Variants in RAB31 observed in about 807,000 individuals in gnomAD.
RAB31 encodes ras-related protein Rab-31.
In RAB31, 21 loss-of-function variants were observed where a neutral mutation model predicts 25.6. The ratio of observed to expected loss-of-function variants is 0.82; its 90% CI spans 0.58 to 1.18. The LOEUF is 1.18. Among genes scored for constraint, RAB31 ranks in the 50% most tolerant of loss-of-function variants. The pLI, the probability that RAB31 is intolerant of heterozygous loss-of-function variation, is 0.00. For missense variants in RAB31, 196 were observed against 250.1 expected (o/e 0.78, Z 1.46); for synonymous variants, 87 against 84.0 (o/e 1.04, Z -0.20).
chr18:9,719,893 G>A lies in RAB31; in HGVS notation c.39+11449G>A, dbSNP rs952881047. Among the ~76,000 whole-genome samples, 13 of 152,050 alleles carry A rather than the reference G, an allele frequency of 8.5e-5. 1 individual carries two copies. Among genetic ancestry groups the A allele is most frequent in the Admixed American group, 5.9e-4 (9 of 15,266 alleles). On this transcript the variant is annotated intron_variant, in intron 1 of 6. Transcript: ENST00000578921. The stretch of plus-strand genomic sequence containing the variant: ...GGAGTGTGCCAAACTCCTTCCCGCC[G>A]TGCCACAGCAGGCACTCAGCAAGCC...
intron 4 of RAB31, among the ~76,000 whole-genome samples, chr18:9,814,478 T>C (rs1005517132): frequency 6.6e-6 from 1 of 152,256 alleles, no homozygotes; most frequent in Non-Finnish European, 1.5e-5. Context: ...AATCTTTGTG[T>C]GTGTATATAT....
At chr18:9,787,129 A>G (rs1487841922) in intron 2 of RAB31, 3 of 218,418 alleles carry the variant, frequency 1.4e-5, no homozygotes, top group Non-Finnish European at 3.0e-5. Context: ...AAAGTCTGTC[A>G]GCAATGGTTC....
At chr18:9,850,496 G>A (rs2143144940) in intron 6 of RAB31, among the ~76,000 whole-genome samples, 1 of 152,320 alleles carries the variant, frequency 6.6e-6, no homozygotes, top group East Asian at 1.9e-4. Flanking sequence ...AGGGCAAAGA[G>A]AGGTGGAGCT....
At chr18:9,833,067 C>T (rs1397700136) in intron 5 of RAB31, among the ~76,000 whole-genome samples, 1 of 152,122 alleles carries the variant, frequency 6.6e-6, no homozygotes, top group South Asian at 2.1e-4. Context: ...CGTGAACCGC[C>T]GTGTCAGACT....
chr18:9,818,238 C>T (rs185577177), intron 5 of RAB31, among the ~76,000 whole-genome samples: 40 of 152,090 alleles, frequency 2.6e-4, no homozygotes, highest in African/African-American at 8.7e-4. Context: ...CAAAACATCA[C>T]GGTCACCTGT....
chr18:9,778,914 G>A (rs941728352), intron 2 of RAB31, among the ~76,000 whole-genome samples: 5 of 152,166 alleles, frequency 3.3e-5, no homozygotes, highest in Admixed American at 3.3e-4. Context: ...AAGTAAGCTA[G>A]ATAAAAGAAA....
chr18:9,792,833 A>G (rs181028361), intron 3 of RAB31, among the ~76,000 whole-genome samples: 1 of 152,206 alleles, frequency 6.6e-6, no homozygotes, highest in Admixed American at 6.5e-5. Context: ...ATGTTGGTTC[A>G]GGAAGTCAGG....
intron 3 of RAB31, chr18:9,797,628 G>GA (rs1301973840): frequency 6.6e-5 from 10 of 152,166 alleles, no homozygotes; most frequent in Admixed American, 5.2e-4. Flanking sequence ...TATTTTGATT[G>GA]AAAAATCACA....
chr18:9,730,399 G>A (rs6506682), intron 1 of RAB31, among the ~76,000 whole-genome samples: 37,270 of 150,914 alleles, frequency 0.25, 5,502 homozygotes, highest in African/African-American at 0.4. Context: ...CAATTCTCCC[G>A]TCTCAGCCTC....
intron 5 of RAB31, among the ~76,000 whole-genome samples, chr18:9,840,430 T>C (rs549600741): frequency 6.6e-6 from 1 of 152,274 alleles, no homozygotes; most frequent in South Asian, 2.1e-4. Context: ...ATAATCGTAA[T>C]GACGGGAGGC....
At chr18:9,853,295 T>C (rs1419909322) in intron 6 of RAB31, among the ~76,000 whole-genome samples, 1 of 151,996 alleles carries the variant, frequency 6.6e-6, no homozygotes, top group Non-Finnish European at 1.5e-5. Flanking sequence ...AATTTCTAAA[T>C]GTTAAAATAA....
intron 4 of RAB31, among the ~76,000 whole-genome samples, 157 bp from the exon 5 acceptor site, chr18:9,814,959 C>A (rs2068593452): frequency 6.6e-6 from 1 of 152,180 alleles, no homozygotes; most frequent in Non-Finnish European, 1.5e-5. Context: ...TTTCAGCTAA[C>A]ATTAACTTTT....
intron 1 of RAB31, among the ~76,000 whole-genome samples, chr18:9,733,120 A>G (rs1318486): frequency 0.11 from 17,279 of 152,210 alleles, 1,377 homozygotes; most frequent in East Asian, 0.43. Flanking sequence ...TTTCCATGCT[A>G]TAAATCTTTA....
chr18:9,835,735 A>G (rs982721265), intron 5 of RAB31, among the ~76,000 whole-genome samples: 1 of 152,126 alleles, frequency 6.6e-6, no homozygotes, highest in African/African-American at 2.4e-5. Flanking sequence ...GTTTTTTTCA[A>G]AGAAGTTTAT....
At chr18:9,793,257 T>G (rs538146073) in intron 3 of RAB31, among the ~76,000 whole-genome samples, 4 of 152,140 alleles carry the variant, frequency 2.6e-5, no homozygotes, top group African/African-American at 9.6e-5. Context: ...TTTTTTCTTT[T>G]GTAGAGCCTG....
In RAB31 at chr18:9,723,453, A is replaced by AT. The variant is rs2068082157; in HGVS notation, c.39+15014dup. Reference sequence around the variant, plus strand: ...TTGTTAGTAAATATGGCAAATAAAAATTTTTAAAAATACCTCTATTTAAAA... The same window carrying AT: ...TTGTTAGTAAATATGGCAAATAAAAATTTTTTAAAAATACCTCTATTTAAAA... On this transcript the variant is annotated intron_variant, in intron 1 of 6. Transcript: ENST00000578921. 3 of 152,250 alleles carry AT rather than the reference A, an allele frequency of 2.0e-5. No homozygotes were observed. The South Asian group carries it at 6.2e-4, about 32-fold the overall frequency. 9.4% of individuals were successfully genotyped at this position (152,250 alleles called of 1,614,324 possible). A position where few individuals can be genotyped will look rare whatever the true frequency, so the allele number is the denominator to read the frequency against.
At chr18:9,798,804 AT>A (rs987544768) in intron 3 of RAB31, among the ~76,000 whole-genome samples, 3 of 148,240 alleles carry the variant, frequency 2.0e-5, no homozygotes, top group African/African-American at 7.4e-5. Context: ...AAAAAAAAAA[AT>A]TGGGCCAGAC....
intron 1 of RAB31, among the ~76,000 whole-genome samples, chr18:9,744,909 TAGA>T (rs746231051): frequency 6.6e-6 from 1 of 151,854 alleles, no homozygotes; most frequent in African/African-American, 2.4e-5. Context: ...CATAGGGAAC[TAGA>T]AGAAGAAGAG....
At chr18:9,852,127 G>A (rs1221993350) in intron 6 of RAB31, among the ~76,000 whole-genome samples, 1 of 152,084 alleles carries the variant, frequency 6.6e-6, no homozygotes, top group African/African-American at 2.4e-5. Flanking sequence ...CAAGTGCACT[G>A]AATAATATAG....
Sources: gnomAD v4.1 joint callset for allele counts (sites outside exome capture counted in the v4.1 genomes callset) on GRCh38, gnomAD v4.1.1 for gene constraint, MANE v1.5 for transcripts, NCBI Gene and HGNC (gene_info 2026-07-23, HGNC 2026-07-21) for gene names.